The following PLGRKT variants were observed in gnomAD, a reference collection of about 807,000 sequenced individuals.
The protein encoded by PLGRKT is plasminogen receptor (KT).
In PLGRKT, 22 loss-of-function variants were observed where a neutral mutation model predicts 18.5. The observed-to-expected ratio is 1.19, with a 90% confidence interval of 0.85 to 1.70. PLGRKT has a LOEUF of 1.70. Among genes scored for constraint, PLGRKT ranks in the 40% most tolerant of loss-of-function variants. The pLI is 0.00. For missense variants in PLGRKT, 235 were observed against 174.4 expected, an observed-to-expected ratio of 1.35 and a Z score of -1.96; for synonymous variants, 72 against 52.8, an observed-to-expected ratio of 1.36 and a Z score of -1.58.
chr9:5,413,806 A>G (rs1376489290), intron 3 of PLGRKT, among the ~76,000 whole-genome samples: 1 of 152,242 alleles, frequency 6.6e-6, no homozygotes, highest in Admixed American at 6.5e-5. Context: ...GTGTACATAC[A>G]TCATTTGAAT....
intron 3 of PLGRKT, 102 bp from the exon 4 acceptor site, chr9:5,361,990 A>C: frequency 8.6e-7 from 1 of 1,165,156 alleles, no homozygotes; most frequent in Non-Finnish European, 1.2e-6. Context: ...CAATTGCTTT[A>C]ATTCATGTTT....
chr9:5,385,678 C>A (rs554822242), intron 3 of PLGRKT, among the ~76,000 whole-genome samples: 1 of 151,676 alleles, frequency 6.6e-6, no homozygotes, highest in African/African-American at 2.4e-5. Context: ...TAAGGAGGAA[C>A]CCCCAAGACA....
intron 3 of PLGRKT, among the ~76,000 whole-genome samples, chr9:5,385,206 T>A (rs1817819151): frequency 6.6e-6 from 1 of 152,188 alleles, no homozygotes; most frequent in African/African-American, 2.4e-5. Context: ...ATGTTCTAAA[T>A]CCATCAGTAT....
intron 3 of PLGRKT, among the ~76,000 whole-genome samples, chr9:5,389,534 T>G (rs1817907607): frequency 6.6e-6 from 1 of 151,794 alleles, no homozygotes; most frequent in Admixed American, 6.6e-5. Flanking sequence ...TTCCATTTCC[T>G]CCAGTACCAT....
chr9:5,380,119 C>T (rs945668471), intron 3 of PLGRKT, among the ~76,000 whole-genome samples: 1 of 152,106 alleles, frequency 6.6e-6, no homozygotes, highest in African/African-American at 2.4e-5. Context: ...AATCCCCGCA[C>T]TTTGGGAGGC....
At chr9:5,411,652 C>T (rs1047036702) in intron 3 of PLGRKT, among the ~76,000 whole-genome samples, 2 of 152,144 alleles carry the variant, frequency 1.3e-5, no homozygotes, top group Non-Finnish European at 2.9e-5. Flanking sequence ...CATACCATGA[C>T]GTTAAGCCAC....
At chr9:5,416,566 C>G (rs944503351) in intron 3 of PLGRKT, among the ~76,000 whole-genome samples, 6 of 152,226 alleles carry the variant, frequency 3.9e-5, no homozygotes, top group Non-Finnish European at 8.8e-5. Context: ...CACCCCCTTG[C>G]CCAAGCAATG....
intron 3 of PLGRKT, among the ~76,000 whole-genome samples, chr9:5,395,353 T>C (rs1173887448): frequency 6.6e-6 from 1 of 151,896 alleles, no homozygotes; most frequent in Non-Finnish European, 1.5e-5. Context: ...AGGCATGATA[T>C]TAGTTTATTT....
At chr9:5,437,110 T>C (rs986619177) in intron 1 of PLGRKT, among the ~76,000 whole-genome samples, 4 of 152,194 alleles carry the variant, frequency 2.6e-5, no homozygotes, top group African/African-American at 9.7e-5. Flanking sequence ...AAGGGGTCTT[T>C]AATGCTTCAG....
At chr9:5,409,556 G>A (rs1245523376) in intron 3 of PLGRKT, among the ~76,000 whole-genome samples, 7 of 152,144 alleles carry the variant, frequency 4.6e-5, no homozygotes, top group African/African-American at 1.7e-4. Context: ...TACCCAGAGT[G>A]GTAGATCCAC....
intron 3 of PLGRKT, among the ~76,000 whole-genome samples, chr9:5,404,426 T>C (rs1818217232): frequency 1.3e-5 from 2 of 152,080 alleles, no homozygotes; most frequent in Non-Finnish European, 2.9e-5. Context: ...AGCTTATCCA[T>C]CCCAATCAAG....
chr9:5,404,888 C>T (rs1212033893), intron 3 of PLGRKT, among the ~76,000 whole-genome samples: 2 of 152,188 alleles, frequency 1.3e-5, no homozygotes, highest in African/African-American at 4.8e-5. Context: ...CCCATTGACT[C>T]AGCCCAAAAG....
chr9:5,366,425 T>C (rs1270589122), intron 3 of PLGRKT, among the ~76,000 whole-genome samples: 1 of 152,180 alleles, frequency 6.6e-6, no homozygotes, highest in African/African-American at 2.4e-5. Flanking sequence ...TCTGGACCTT[T>C]TGATACTGCT....
At chr9:5,413,103 T>C (rs1345004522) in intron 3 of PLGRKT, among the ~76,000 whole-genome samples, 3 of 152,192 alleles carry the variant, frequency 2.0e-5, no homozygotes, top group African/African-American at 7.2e-5. Flanking sequence ...TTGGTGAGAC[T>C]TTGGGAAAAT....
intron 3 of PLGRKT, among the ~76,000 whole-genome samples, chr9:5,387,445 T>C (rs186033086): frequency 1.3e-5 from 2 of 151,928 alleles, no homozygotes; most frequent in African/African-American, 2.4e-5. Flanking sequence ...ATTCATATAA[T>C]GGGATACTAT....
chr9:5,396,840 A>G (rs1366909979), intron 3 of PLGRKT, among the ~76,000 whole-genome samples: 2 of 151,990 alleles, frequency 1.3e-5, no homozygotes, highest in Admixed American at 6.5e-5. Context: ...GGATAAATCT[A>G]CAACTCCAAC....
intron 3 of PLGRKT, among the ~76,000 whole-genome samples, chr9:5,423,976 T>TATATGTA (rs1818627513): frequency 7.2e-6 from 1 of 138,620 alleles, no homozygotes; most frequent in African/African-American, 2.8e-5. Flanking sequence ...TAATACACAA[T>TATATGTA]ATATGTAATA....
At chr9:5,387,864 A>G (rs576968896) in intron 3 of PLGRKT, among the ~76,000 whole-genome samples, 1 of 151,982 alleles carries the variant, frequency 6.6e-6, no homozygotes, top group Admixed American at 6.5e-5. Context: ...AGGCTATAGC[A>G]CTAATCCAGG....
chr9:5,417,838 T>C (rs1363484728), intron 3 of PLGRKT, among the ~76,000 whole-genome samples: 1 of 152,152 alleles, frequency 6.6e-6, no homozygotes, highest in East Asian at 1.9e-4. Flanking sequence ...TGACTTGTTT[T>C]GCTGCCATTC....
Sources: gnomAD v4.1 joint callset for allele counts (sites outside exome capture counted in the v4.1 genomes callset) on GRCh38, gnomAD v4.1.1 for gene constraint, MANE v1.5 for transcripts, NCBI Gene and HGNC (gene_info 2026-07-23, HGNC 2026-07-21) for gene names.